Variants in SCNN1B observed in about 807,000 individuals in gnomAD.
SCNN1B encodes the protein epithelial sodium channel subunit beta.
A neutral mutation model predicts 65.3 loss-of-function variants in SCNN1B; 46 were observed. The observed-to-expected ratio is 0.70, with a 90% CI of 0.56 to 0.90. The LOEUF is 0.90. Ranked by LOEUF, SCNN1B falls within the 40% of genes least tolerant of loss-of-function variation. The pLI, the probability that SCNN1B is intolerant of heterozygous loss-of-function variation, is 0.00. For synonymous variants in SCNN1B, 349 were observed against 330.6 expected (o/e 1.06, Z -0.60); for missense variants, 751 against 830.5 (o/e 0.90, Z 1.18).
intron 2 of SCNN1B, among the ~76,000 whole-genome samples, chr16:23,352,475 T>C (rs1336721925): frequency 6.6e-6 from 1 of 152,240 alleles, no homozygotes; most frequent in African/African-American, 2.4e-5. Context: ...GTGTTCGTGA[T>C]AGTGAGTGAG....
intron 1 of SCNN1B, among the ~76,000 whole-genome samples, chr16:23,329,537 T>C (rs928474719): frequency 6.6e-6 from 1 of 152,230 alleles, no homozygotes; most frequent in African/African-American, 2.4e-5. Context: ...AACTACACAT[T>C]GTTTTAAGCA....
intron 1 of SCNN1B, among the ~76,000 whole-genome samples, chr16:23,333,277 G>A (rs953599273): frequency 6.6e-6 from 1 of 152,188 alleles, no homozygotes; most frequent in Non-Finnish European, 1.5e-5. Context: ...CTAGGTTTAG[G>A]TGCAGCTGTT....
At chr16:23,297,242 G>T (rs1333600484) in intron 2 of SCNN1B, among the ~76,000 whole-genome samples, 1 of 152,136 alleles carries the variant, frequency 6.6e-6, no homozygotes, top group Non-Finnish European at 1.5e-5. Context: ...CTCACTGTTG[G>T]ACTTAACATT....
At chr16:23,304,364 A>T (rs1353476976) in intron 1 of SCNN1B, among the ~76,000 whole-genome samples, 4 of 152,284 alleles carry the variant, frequency 2.6e-5, no homozygotes, top group African/African-American at 4.8e-5. Flanking sequence ...ATGCATACAC[A>T]CACACAGGTG....
Position 23,355,400 on chromosome 16 carries a change from G to A in SCNN1B, c.687G>A (p.Gln229=). 6.2e-7 allele frequency: 1 copy of A among 1,614,186 alleles called. No homozygotes were observed. The highest frequency in any genetic ancestry group is 1.1e-5 in the South Asian group (1 of 91,078). The part of the protein sequence containing the change: ...YILQATNIFA[Q]VPQQELVEMS... ...TGCAGGCCACCAACATCTTTGCACA[G>A]GTGCCACAGCAGGAGCTAGTAGAGA... The change falls in exon 4 of 13, where the codon CAG becomes CAA. Residue 229 remains glutamine (Q), a synonymous_variant. Coordinates refer to ENST00000343070, the MANE Select transcript of SCNN1B (RefSeq NM_000336.3).
chr16:23,353,247 C>A, intron 3 of SCNN1B, 173 bp downstream of exon 3: 1 of 721,124 alleles, frequency 1.4e-6, no homozygotes, highest in Non-Finnish European at 2.3e-6. Context: ...GCATGTTAGT[C>A]AAGACTCCTT....
chr16:23,302,415 TC>T lies in SCNN1B; in HGVS notation c.-27del. 1 of 158,524 alleles carries T rather than the reference TC, an allele frequency of 6.3e-6. No individual in the cohort carries two copies. The allele number at this position is 158,524 out of a possible 1,614,324, so 9.8% of individuals were successfully genotyped here. On this transcript the variant is annotated 5_prime_UTR_variant, in exon 1 of 13. Transcript: ENST00000343070. ...CCGCCGACAGCGCGCATCCTCCGTG[TC>T]CCCGCTCCGCCGCCCGAGCAGGTAT...
intron 1 of SCNN1B, among the ~76,000 whole-genome samples, chr16:23,321,599 G>A (rs1278507866): frequency 6.6e-6 from 1 of 152,186 alleles, no homozygotes; most frequent in African/African-American, 2.4e-5. Flanking sequence ...TTGGGCAGCT[G>A]TCTATGCTGC....
At chr16:23,347,078 T>C (rs1279113519) in intron 1 of SCNN1B, among the ~76,000 whole-genome samples, 1 of 152,034 alleles carries the variant, frequency 6.6e-6, no homozygotes, top group African/African-American at 2.4e-5. Flanking sequence ...GCCTGGGTGA[T>C]AGAGTGAGAC....
At chr16:23,286,970 A>C (rs555659892) in intron 2 of SCNN1B, among the ~76,000 whole-genome samples, 1 of 149,256 alleles carries the variant, frequency 6.7e-6, no homozygotes, top group Non-Finnish European at 1.5e-5. Flanking sequence ...GTTGTTGTTG[A>C]TGTTGTTGTT....
rs761731857 is a variant in SCNN1B at position 23,371,746 on chromosome 16, G to A, written c.1045-30G>A. The A allele has an allele frequency of 1.5e-5, 24 of 1,554,434 alleles. No homozygotes were observed. In the East Asian group the frequency reaches 5.2e-4, roughly 33 times the overall value. ...GAAAGGGCTTCCTGGGGTGACCAGT[G>A]TCCCCCTCAAGCAACCCCTCTAAAC... is the stretch of plus-strand genomic sequence containing the variant. On this transcript the variant is annotated intron_variant, in intron 6 of 12. Transcript: ENST00000343070.
intron 1 of SCNN1B, among the ~76,000 whole-genome samples, chr16:23,308,236 G>C (rs1961262615): frequency 6.6e-6 from 1 of 151,734 alleles, no homozygotes; most frequent in Non-Finnish European, 1.5e-5. Context: ...GACATGCAGA[G>C]TACAAGCCGG....
intron 1 of SCNN1B, among the ~76,000 whole-genome samples, chr16:23,312,558 C>A (rs541273113): frequency 6.6e-4 from 100 of 152,234 alleles, no homozygotes; most frequent in African/African-American, 2.4e-3. Context: ...CTATGCTGGT[C>A]CTGCCCTGCT....
At chr16:23,305,562 AT>A (rs56748351) in intron 1 of SCNN1B, among the ~76,000 whole-genome samples, 1 of 42,504 alleles carries the variant, frequency 2.4e-5, no homozygotes, top group Non-Finnish European at 3.8e-5. Context: ...ATATATATAT[AT>A]ATATATATAT....
At chr16:23,357,695 A>G (rs1481891538) in intron 4 of SCNN1B, among the ~76,000 whole-genome samples, 1 of 152,198 alleles carries the variant, frequency 6.6e-6, no homozygotes, top group East Asian at 1.9e-4. Context: ...CATTGTACAG[A>G]TTAGCAAAAG....
chr16:23,311,687 C>T (rs1961346858), intron 1 of SCNN1B, among the ~76,000 whole-genome samples: 1 of 152,138 alleles, frequency 6.6e-6, no homozygotes, highest in African/African-American at 2.4e-5. Context: ...GGGAGCGAGA[C>T]CATGAAGAGG....
chr16:23,282,822 G>A (rs543229501), intron 1 of SCNN1B, among the ~76,000 whole-genome samples: 2 of 152,318 alleles, frequency 1.3e-5, no homozygotes, highest in East Asian at 1.9e-4. Flanking sequence ...TTAAAAGTAG[G>A]TGTAAATACA....
intron 1 of SCNN1B, among the ~76,000 whole-genome samples, chr16:23,327,852 C>T (rs76505349): frequency 0.04 from 6,028 of 152,266 alleles, 411 homozygotes; most frequent in African/African-American, 0.14. Context: ...TTGAAAAGGA[C>T]ATTCACAAAG....
intron 1 of SCNN1B, among the ~76,000 whole-genome samples, chr16:23,334,188 G>A (rs1347049329): frequency 6.6e-6 from 1 of 152,134 alleles, no homozygotes; most frequent in African/African-American, 2.4e-5. Context: ...GTGGGGCAGC[G>A]ACCCCAGAGA....
Sources: gnomAD v4.1 joint callset for allele counts (sites outside exome capture counted in the v4.1 genomes callset) on GRCh38, gnomAD v4.1.1 for gene constraint, MANE v1.5 for transcripts, NCBI Gene and HGNC (gene_info 2026-07-23, HGNC 2026-07-21) for gene names.